The following RNPC3 variants were observed in gnomAD, a reference collection of about 807,000 sequenced individuals.
RNPC3 encodes the protein RNA-binding region-containing protein 3.
A neutral mutation model predicts 67.5 loss-of-function variants in RNPC3; 48 were observed. The observed-to-expected ratio is 0.71, with a 90% confidence interval of 0.56 to 0.90. The LOEUF is 0.90. Among genes scored for constraint, RNPC3 ranks in the 40% least tolerant of loss-of-function variants. The probability of loss-of-function intolerance (pLI) is 0.00; values close to 1 mark genes in which losing one functional copy is unlikely to be tolerated. For synonymous variants in RNPC3, 239 were observed against 210.3 expected (o/e 1.14, Z -1.18); for missense variants, 637 against 626.1 (o/e 1.02, Z -0.19).
chr1:103,551,655 T>G, intron 13 of RNPC3, 66 bp from the exon 14 acceptor site: 1 of 1,110,734 alleles, frequency 9.0e-7, no homozygotes, highest in Non-Finnish European at 1.3e-6. Flanking sequence ...CTAGAAAGTT[T>G]TTGAGAATTA....
chr1:103,537,021 A>G (rs1234285210), intron 6 of RNPC3, among the ~76,000 whole-genome samples: 1 of 152,204 alleles, frequency 6.6e-6, no homozygotes, highest in Non-Finnish European at 1.5e-5. Context: ...AGACATTGCT[A>G]CACAGTCTGC....
In RNPC3 at chr1:103,526,189, C is replaced by G. The variant is rs959416659; in HGVS notation, c.119C>G (p.Ala40Gly). The change falls in exon 1 of 15, where the codon GCT becomes GGT. Residue 40 changes from alanine to glycine, a missense_variant. Physicochemically the swap from Ala to Gly is moderately conservative, Grantham distance 60 (BLOSUM62 0). Coordinates refer to ENST00000423855, the MANE Select transcript of RNPC3 (RefSeq NM_017619.4). ...LVRHLPAELTAEEKEDLLKYF... is the reference protein window; with the variant it reads ...LVRHLPAELTGEEKEDLLKYF... ...AGGCACCTGCCGGCTGAGCTTACTG[C>G]TGAGGAGAAAGAGGACTTGCTGAAG... 1 of 1,551,376 alleles carries G rather than the reference C, an allele frequency of 6.4e-7. No individual in the cohort carries two copies. The highest frequency in any genetic ancestry group is 1.4e-5 in the African/African-American group (1 of 73,014).
chr1:103,546,910 A>G, intron 11 of RNPC3, 67 bp from the exon 12 acceptor site: 6 of 779,152 alleles, frequency 7.7e-6, no homozygotes, highest in Non-Finnish European at 1.2e-5. Flanking sequence ...GCATTGATGT[A>G]TTTATTTATT....
At chr1:103,550,113 A>G (rs980893408) in intron 12 of RNPC3, among the ~76,000 whole-genome samples, 3 of 151,976 alleles carry the variant, frequency 2.0e-5, no homozygotes, top group African/African-American at 7.3e-5. Flanking sequence ...GCACTGAGCC[A>G]AGATCACGCC....
At chr1:103,541,604 A>G (rs10881232) in intron 8 of RNPC3, 129 bp downstream of exon 8, 499,734 of 789,346 alleles carry the variant, frequency 0.63, 160,846 homozygotes, top group Middle Eastern at 0.74. Flanking sequence ...CTTCCTAGTT[A>G]CCAAATTTAC....
intron 2 of RNPC3, 97 bp from the exon 3 acceptor site, chr1:103,533,642 A>G: frequency 1.6e-6 from 1 of 642,548 alleles, no homozygotes; most frequent in Non-Finnish European, 2.6e-6. Context: ...AACTGTTTAC[A>G]GCATTAGCAA....
At chr1:103,540,123 T>C (rs1651089376) in intron 7 of RNPC3, among the ~76,000 whole-genome samples, 1 of 152,214 alleles carries the variant, frequency 6.6e-6, no homozygotes, top group Non-Finnish European at 1.5e-5. Flanking sequence ...CTCCTTGGCC[T>C]CCCAAAGTGC....
rs138031322 is a variant in RNPC3 at position 103,529,057 on chromosome 1, T to G, written c.240+1315T>G. On this transcript the variant is annotated intron_variant, in intron 2 of 14. Transcript: ENST00000423855. ...TGTTAATATGGAATGATAGCCCAGA[T>G]AGAGTACATGAATAAAGTTGTGAAA... 2.1e-3 allele frequency among the ~76,000 whole-genome samples: 319 copies of G among 152,300 alleles called. 2 individuals carry two copies. The highest frequency in any genetic ancestry group is 7.3e-3 in the African/African-American group (305 of 41,566).
chr1:103,540,730 T>C (rs1264606058), intron 7 of RNPC3, among the ~76,000 whole-genome samples: 2 of 152,154 alleles, frequency 1.3e-5, no homozygotes, highest in East Asian at 3.8e-4. Flanking sequence ...GCTCTGTAGA[T>C]GATACAGAAA....
chr1:103,529,681 A>G (rs773022962), intron 2 of RNPC3, among the ~76,000 whole-genome samples: 1 of 152,226 alleles, frequency 6.6e-6, no homozygotes, highest in African/African-American at 2.4e-5. Context: ...TTCACTGATA[A>G]TAAAGAGGTC....
intron 4 of RNPC3, 48 bp downstream of exon 4, chr1:103,534,905 A>G (rs1011196446): frequency 1.9e-6 from 2 of 1,042,178 alleles, no homozygotes; most frequent in Non-Finnish European, 2.8e-6. Flanking sequence ...TGTGTTATAT[A>G]CAGATGTACA....
At chr1:103,543,196 A>C in intron 8 of RNPC3, 100 bp from the exon 9 acceptor site, 1 of 818,236 alleles carries the variant, frequency 1.2e-6, no homozygotes, top group East Asian at 3.2e-5. Context: ...TGAGTCCTTT[A>C]TCAGTGTTAA....
At position 103,536,954 on chromosome 1, in the gene RNPC3, A is replaced by C. The variant is rs555698150; in HGVS notation, c.625-388A>C. Reference sequence around the variant, plus strand: ...GTAGAGCAGAGGGATATTTTGTTCTACTGAGCCACGAAAAACACCTGAATT... The same window carrying C: ...GTAGAGCAGAGGGATATTTTGTTCTCCTGAGCCACGAAAAACACCTGAATT... On this transcript the variant is annotated intron_variant, in intron 6 of 14. Coordinates refer to ENST00000423855, the MANE Select transcript of RNPC3 (RefSeq NM_017619.4). Among the ~76,000 whole-genome samples, 12 of 152,286 alleles carry C rather than the reference A, an allele frequency of 7.9e-5. No homozygotes were observed. In the South Asian group the frequency reaches 2.5e-3, roughly 32 times the overall value.
At chr1:103,540,332 G>C (rs192009283) in intron 7 of RNPC3, among the ~76,000 whole-genome samples, 2 of 152,234 alleles carry the variant, frequency 1.3e-5, no homozygotes, top group African/African-American at 4.8e-5. Context: ...GAGATCTCAC[G>C]TATATGCAAA....
chr1:103,530,534 A>T (rs989134515), intron 2 of RNPC3, among the ~76,000 whole-genome samples: 3 of 152,182 alleles, frequency 2.0e-5, no homozygotes, highest in African/African-American at 7.2e-5. Context: ...CTGTGGGAGC[A>T]GGAGTGGGAG....
chr1:103,554,256 A>T (rs1304143120), intron 14 of RNPC3: 3 of 152,258 alleles, frequency 2.0e-5, no homozygotes, highest in African/African-American at 7.2e-5. Context: ...TGGGATGCTA[A>T]GGCAGGAGGA....
chr1:103,544,599 T>C (rs1187568686), intron 9 of RNPC3, among the ~76,000 whole-genome samples: 1 of 151,884 alleles, frequency 6.6e-6, no homozygotes, highest in Non-Finnish European at 1.5e-5. Context: ...ATTGCAAACA[T>C]AGTGAGTGAA....
At chr1:103,552,221 A>G (rs1651408331) in intron 14 of RNPC3, 1 of 152,386 alleles carries the variant, frequency 6.6e-6, no homozygotes, top group Non-Finnish European at 1.5e-5. Flanking sequence ...GGGGATTTCC[A>G]GGATGCTGGA....
intron 11 of RNPC3, 73 bp downstream of exon 11, chr1:103,546,415 T>A (rs1200739298): frequency 1.5e-6 from 1 of 669,198 alleles, no homozygotes; most frequent in Non-Finnish European, 2.4e-6. Context: ...TGTTAAAGTC[T>A]GTTTGAAACT....
Sources: allele counts gnomAD v4.1 joint callset (sites outside exome capture counted in the v4.1 genomes callset), GRCh38; gene constraint gnomAD v4.1.1; transcripts MANE v1.5; gene names NCBI Gene and HGNC (gene_info 2026-07-23, HGNC 2026-07-21).